Variants in RIN2 observed in about 807,000 individuals in gnomAD.
RIN2 encodes RAB5 interacting protein 2.
A neutral mutation model predicts 78.0 loss-of-function variants in RIN2; 36 were observed. The observed-to-expected ratio is 0.46, with a 90% CI of 0.35 to 0.61. The LOEUF is 0.61. RIN2 is among the 20% of genes least tolerant of loss of function. The pLI is 0.00. For synonymous variants in RIN2, 466 were observed against 466.8 expected (o/e 1.00, Z 0.02); for missense variants, 1,087 against 1,159.7 (o/e 0.94, Z 0.91).
At chr20:19,866,474 C>T (rs767315847) in intron 2 of RIN2, among the ~76,000 whole-genome samples, 2 of 152,102 alleles carry the variant, frequency 1.3e-5, no homozygotes, top group Non-Finnish European at 1.5e-5. Flanking sequence ...TGCAGAGAGA[C>T]ATGTTACATC....
chr20:19,797,898 G>A (rs2035110675), intron 1 of RIN2, among the ~76,000 whole-genome samples: 2 of 115,552 alleles, frequency 1.7e-5, no homozygotes, highest in African/African-American at 6.9e-5. Context: ...GCCTTGCTCT[G>A]TTGCCCAGGT....
At chr20:19,905,415 G>A (rs1169841850) in intron 3 of RIN2, among the ~76,000 whole-genome samples, 2 of 152,188 alleles carry the variant, frequency 1.3e-5, no homozygotes, top group Non-Finnish European at 2.9e-5. Context: ...CATCCAGCTG[G>A]CATCTGTGCT....
chr20:19,963,603 C>CT (rs2146270497), intron 6 of RIN2, among the ~76,000 whole-genome samples: 1 of 127,684 alleles, frequency 7.8e-6, no homozygotes, highest in Non-Finnish European at 1.6e-5. Flanking sequence ...CAGCGAAACT[C>CT]TGTCTCCAAA....
intron 2 of RIN2, among the ~76,000 whole-genome samples, chr20:19,849,562 A>G (rs1171691382): frequency 1.3e-5 from 2 of 152,178 alleles, no homozygotes; most frequent in Non-Finnish European, 2.9e-5. Context: ...TTGCCTGTGG[A>G]TACAGCTGCG....
chr20:19,827,858 A>T (rs2036143047), intron 2 of RIN2, among the ~76,000 whole-genome samples: 2 of 143,266 alleles, frequency 1.4e-5, no homozygotes, highest in Admixed American at 7.0e-5. Context: ...TTCCAAAAGT[A>T]CCTTTAAAAA....
At position 19,893,181 on chromosome 20, in the gene RIN2, G is replaced by C. The variant is rs570368026; in HGVS notation, c.57+3523G>C. Reference sequence around the variant, plus strand: ...TTCCCAAGGAAGCGGACTTCGATTTGAGAGCTGAGGTCGACATTATACCAT... The same window carrying C: ...TTCCCAAGGAAGCGGACTTCGATTTCAGAGCTGAGGTCGACATTATACCAT... On this transcript the variant is annotated intron_variant, in intron 3 of 12. Transcript: ENST00000255006. Among the ~76,000 whole-genome samples, 6 of 152,300 alleles carry C rather than the reference G, an allele frequency of 3.9e-5. No homozygotes were observed. In the South Asian group the frequency reaches 1.2e-3, roughly 32 times the overall value.
chr20:19,984,294 A>C (rs770929962), intron 9 of RIN2, among the ~76,000 whole-genome samples: 2 of 152,162 alleles, frequency 1.3e-5, no homozygotes, highest in Admixed American at 6.6e-5. Context: ...ACTTACACAA[A>C]GCTAGATGGC....
chr20:19,849,028 A>G (rs1381515745), intron 2 of RIN2, among the ~76,000 whole-genome samples: 1 of 152,192 alleles, frequency 6.6e-6, no homozygotes. Flanking sequence ...TACAATGGTC[A>G]CTACCTTTGT....
At chr20:19,935,586 T>G (rs1050209886) in intron 4 of RIN2, 2 of 1,000,568 alleles carry the variant, frequency 2.0e-6, no homozygotes, top group Non-Finnish European at 2.4e-6. Context: ...CTAAAGAGGA[T>G]GGACTCATTT....
chr20:19,870,354 G>C (rs1477353806), intron 2 of RIN2, among the ~76,000 whole-genome samples: 4 of 152,252 alleles, frequency 2.6e-5, no homozygotes, highest in Admixed American at 2.6e-4. Context: ...TTTTTTAAGA[G>C]TGATTCCTCA....
chr20:19,803,991 C>T (rs2035328290), intron 2 of RIN2, among the ~76,000 whole-genome samples: 1 of 152,122 alleles, frequency 6.6e-6, no homozygotes, highest in African/African-American at 2.4e-5. Context: ...TGATTTGGCT[C>T]TCTGCTTGTC....
Position 19,975,773 on chromosome 20 carries a change from C to T in RIN2, c.1748C>T (p.Pro583Leu). 2 of 1,610,290 alleles carry T rather than the reference C, an allele frequency of 1.2e-6. No individual in the cohort carries two copies. Among genetic ancestry groups the T allele is most frequent in the South Asian group, 2.2e-5 (2 of 90,566 alleles). Reference protein sequence around the residue: ...ELDPPIESLIPEDQIDVVLEK... With the variant: ...ELDPPIESLILEDQIDVVLEK... ...GACCCCCCCATCGAGTCGCTGATCC[C>T]TGAAGACCAAATAGGTAAGTACCCT... The change falls in exon 9 of 13, where the codon CCT becomes CTT. Residue 583 changes from proline to leucine, a missense_variant. By Grantham distance (98) the Pro-to-Leu change is moderately conservative. Coordinates refer to ENST00000255006, the MANE Select transcript of RIN2 (RefSeq NM_018993.4). The surrounding 1 kb of genome is among the most constrained non-coding windows in gnomAD (Gnocchi z 4.9).
At chr20:19,767,564 C>CT (rs1381118269) in intron 1 of RIN2, among the ~76,000 whole-genome samples, 13 of 152,268 alleles carry the variant, frequency 8.5e-5, no homozygotes, top group Non-Finnish European at 1.8e-4. Flanking sequence ...ACTTTTGCTT[C>CT]TGAGGCCCTC....
At chr20:19,770,516 A>G (rs2034069930) in intron 1 of RIN2, among the ~76,000 whole-genome samples, 2 of 152,150 alleles carry the variant, frequency 1.3e-5, no homozygotes, top group African/African-American at 4.8e-5. Flanking sequence ...CTAAGGGGAC[A>G]CAATTCCCCT....
intron 1 of RIN2, among the ~76,000 whole-genome samples, chr20:19,780,153 G>C (rs75443261): frequency 9.9e-4 from 151 of 152,310 alleles, no homozygotes; most frequent in Non-Finnish European, 2.0e-3. Context: ...AGCATGAATT[G>C]TTAATGTGGG....
intron 3 of RIN2, among the ~76,000 whole-genome samples, chr20:19,904,812 A>G (rs1339246245): frequency 6.6e-6 from 1 of 152,186 alleles, no homozygotes; most frequent in Non-Finnish European, 1.5e-5. Context: ...TCCATCCATC[A>G]ACCAAGAAAA....
At chr20:19,945,846 G>A (rs943683870) in intron 4 of RIN2, among the ~76,000 whole-genome samples, 5 of 152,174 alleles carry the variant, frequency 3.3e-5, no homozygotes, top group Admixed American at 1.3e-4. Context: ...GATTGGAGCT[G>A]CCTCCTTTTC....
intron 3 of RIN2, among the ~76,000 whole-genome samples, chr20:19,922,535 C>G (rs1162402998): frequency 6.6e-6 from 1 of 152,170 alleles, no homozygotes; most frequent in Non-Finnish European, 1.5e-5. Flanking sequence ...AAAAAAGGTC[C>G]ATAGCTTTCC....
chr20:19,760,263 T>G (rs1600382394), intron 1 of RIN2, among the ~76,000 whole-genome samples: 1 of 152,216 alleles, frequency 6.6e-6, no homozygotes, highest in African/African-American at 2.4e-5. Context: ...TGACAGGAGC[T>G]TTTGGGTTTG....
Sources: allele counts gnomAD v4.1 joint callset (sites outside exome capture counted in the v4.1 genomes callset), GRCh38; gene constraint gnomAD v4.1.1; non-coding constraint Gnocchi (gnomAD v3.1); transcripts MANE v1.5; gene names NCBI Gene and HGNC (gene_info 2026-07-23, HGNC 2026-07-21).